The following PLXDC2 variants were observed in gnomAD, a reference collection of about 807,000 sequenced individuals.
PLXDC2 encodes plexin domain-containing protein 2.
Under a neutral mutation model 68.9 loss-of-function variants are expected in PLXDC2, and 40 were observed. The observed-to-expected ratio is 0.58, with a 90% CI of 0.45 to 0.76. The LOEUF (loss-of-function observed/expected upper bound fraction) is 0.76, where lower values mean the gene tolerates loss of function less well. PLXDC2 is among the 30% of genes least tolerant of loss of function. PLXDC2 has a pLI of 0.00. For synonymous variants in PLXDC2, 243 were observed against 234.2 expected, an observed-to-expected ratio of 1.04 and a Z score of -0.34; for missense variants, 644 against 661.9, an observed-to-expected ratio of 0.97 and a Z score of 0.30.
intron 9 of PLXDC2, among the ~76,000 whole-genome samples, chr10:20,191,659 G>A (rs960570060): frequency 2.0e-5 from 3 of 151,328 alleles, no homozygotes; most frequent in African/African-American, 2.4e-5. Context: ...ATTGTTGTGG[G>A]GTGGAGGGAG....
At chr10:20,081,076 G>A (rs1478148765) in intron 4 of PLXDC2, among the ~76,000 whole-genome samples, 4 of 152,164 alleles carry the variant, frequency 2.6e-5, no homozygotes, top group African/African-American at 7.2e-5. Context: ...GCTGGAGCAA[G>A]GGAAGAGTAA....
intron 3 of PLXDC2, among the ~76,000 whole-genome samples, chr10:20,067,099 A>T (rs964880303): frequency 6.6e-6 from 1 of 152,204 alleles, no homozygotes; most frequent in Non-Finnish European, 1.5e-5. Context: ...CATATAAAAA[A>T]GATTAGGATT....
chr10:20,038,367 G>A (rs1471412326), intron 2 of PLXDC2, among the ~76,000 whole-genome samples: 1 of 152,188 alleles, frequency 6.6e-6, no homozygotes, highest in Admixed American at 6.5e-5. Context: ...TTGGGGAAAT[G>A]ATGAAGATAT....
At chr10:20,042,216 C>T (rs1835695381) in intron 2 of PLXDC2, among the ~76,000 whole-genome samples, 1 of 152,156 alleles carries the variant, frequency 6.6e-6, no homozygotes, top group Non-Finnish European at 1.5e-5. Flanking sequence ...TCTTTCTCTC[C>T]TGTTGTTATT....
intron 1 of PLXDC2, among the ~76,000 whole-genome samples, chr10:19,879,506 CTT>C (rs1329933359): frequency 6.6e-6 from 1 of 152,214 alleles, no homozygotes; most frequent in African/African-American, 2.4e-5. Flanking sequence ...GTACTAGACA[CTT>C]TGCCAAGTGC....
At position 20,070,796 on chromosome 10, in the gene PLXDC2, A is replaced by G. The variant is rs992019849; in HGVS notation, c.541+2557A>G. ...GTACACACAGTGTAAAAATAATGAC[A>G]GCTTTGCATTTTCAATTTCTCAAAT... is the stretch of plus-strand genomic sequence containing the variant. On this transcript the variant is annotated intron_variant, in intron 4 of 13. Transcript: ENST00000377252. 5.3e-5 allele frequency: 8 copies of G among 152,248 alleles called. 1 individual carries two copies. Among genetic ancestry groups the G allele is most frequent in the Non-Finnish European group, 5.9e-5 (4 of 68,044 alleles). 9.4% of individuals were successfully genotyped at this position (152,248 alleles called of 1,614,324 possible).
At chr10:20,277,442 A>T (rs540193736) in intron 13 of PLXDC2, among the ~76,000 whole-genome samples, 4 of 152,136 alleles carry the variant, frequency 2.6e-5, no homozygotes, top group Non-Finnish European at 5.9e-5. Context: ...TCCACTTTAA[A>T]GGCAATTATC....
rs114558678 is a variant in PLXDC2 at position 19,985,440 on chromosome 10, G to T, written c.113-16335G>T. 3.6e-3 allele frequency among the ~76,000 whole-genome samples: 555 copies of T among 152,278 alleles called. 3 individuals carry two copies. Among genetic ancestry groups the T allele is most frequent in the African/African-American group, 0.013 (524 of 41,552 alleles). ...TTGTAGTGGATTTTAGTAGTGTTCA[G>T]TTGTTTTCTTATTTCCACTTAGAGA... On this transcript the variant is annotated intron_variant, in intron 1 of 13. Transcript: ENST00000377252.
At chr10:20,270,172 T>C (rs1835920282) in intron 13 of PLXDC2, among the ~76,000 whole-genome samples, 1 of 152,166 alleles carries the variant, frequency 6.6e-6, no homozygotes, top group Non-Finnish European at 1.5e-5. Flanking sequence ...CGTGAAGTGG[T>C]TGCTGAGAGC....
At chr10:20,207,301 A>G (rs1835006154) in intron 9 of PLXDC2, among the ~76,000 whole-genome samples, 1 of 152,178 alleles carries the variant, frequency 6.6e-6, no homozygotes, top group Admixed American at 6.6e-5. Context: ...TAATTAATAA[A>G]TCAAACAAAC....
chr10:20,012,588 A>T (rs192891464), intron 2 of PLXDC2, among the ~76,000 whole-genome samples: 7 of 151,758 alleles, frequency 4.6e-5, no homozygotes, highest in Non-Finnish European at 8.8e-5. Flanking sequence ...GGCCTCCCAA[A>T]GTGCTGGGAT....
intron 10 of PLXDC2, 118 bp downstream of exon 10, chr10:20,211,847 C>G (rs1588520175): frequency 6.4e-6 from 6 of 938,440 alleles, no homozygotes; most frequent in Non-Finnish European, 9.4e-6. Flanking sequence ...GGAGAAGAAT[C>G]CTTCTATAAG....
At chr10:20,038,769 A>T (rs1835624393) in intron 2 of PLXDC2, among the ~76,000 whole-genome samples, 1 of 152,178 alleles carries the variant, frequency 6.6e-6, no homozygotes, top group Non-Finnish European at 1.5e-5. Flanking sequence ...TGATTAAAAA[A>T]ATTAATGTGA....
At chr10:20,218,525 A>G (rs892823637) in intron 11 of PLXDC2, among the ~76,000 whole-genome samples, 1 of 152,120 alleles carries the variant, frequency 6.6e-6, no homozygotes, top group African/African-American at 2.4e-5. Context: ...TTAGAGTGAA[A>G]CATAACCAGT....
intron 1 of PLXDC2, among the ~76,000 whole-genome samples, chr10:19,855,136 G>A (rs1405173655): frequency 6.6e-6 from 1 of 152,130 alleles, no homozygotes; most frequent in Non-Finnish European, 1.5e-5. Context: ...ACACATGTTT[G>A]TTGAATATAA....
chr10:20,101,275 T>C (rs961467516), intron 4 of PLXDC2, among the ~76,000 whole-genome samples: 4 of 152,086 alleles, frequency 2.6e-5, no homozygotes, highest in African/African-American at 7.2e-5. Flanking sequence ...TATCAGAAAG[T>C]TTGTGTTGAT....
intron 12 of PLXDC2, among the ~76,000 whole-genome samples, chr10:20,237,148 A>G (rs111880163): frequency 6.0e-4 from 92 of 152,172 alleles, no homozygotes; most frequent in Non-Finnish European, 1.2e-3. Context: ...CTCACCATAC[A>G]TAATGTCCTT....
chr10:20,269,379 A>G (rs1254199284), intron 13 of PLXDC2, among the ~76,000 whole-genome samples: 1 of 152,148 alleles, frequency 6.6e-6, no homozygotes, highest in Non-Finnish European at 1.5e-5. Context: ...ATCAATATTG[A>G]ATAAAGGATT....
At chr10:20,159,233 C>T (rs897837856) in intron 6 of PLXDC2, among the ~76,000 whole-genome samples, 2 of 152,088 alleles carry the variant, frequency 1.3e-5, no homozygotes, top group South Asian at 2.1e-4. Flanking sequence ...TCTCATAGAC[C>T]GTGAAGTGAG....
Sources: allele counts gnomAD v4.1 joint callset (sites outside exome capture counted in the v4.1 genomes callset), GRCh38; gene constraint gnomAD v4.1.1; transcripts MANE v1.5; gene names NCBI Gene and HGNC (gene_info 2026-07-23, HGNC 2026-07-21).